The following HMCN2 variants were observed in gnomAD, a reference collection of about 807,000 sequenced individuals.
HMCN2 encodes hemicentin 2.
A neutral mutation model predicts 377.5 loss-of-function variants in HMCN2; 325 were observed. The ratio of observed to expected loss-of-function variants is 0.86; its 90% confidence interval spans 0.79 to 0.94. The LOEUF (loss-of-function observed/expected upper bound fraction) is 0.94, where lower values mean the gene tolerates loss of function less well. HMCN2 is among the 40% of genes least tolerant of loss of function. HMCN2 has a pLI of 0.00. For synonymous variants in HMCN2, 2,007 were observed against 2,046.8 expected (o/e 0.98, Z 0.53); for missense variants, 4,543 against 4,725.3 (o/e 0.96, Z 1.13).
chr9:130,394,373 G>A lies in HMCN2; in HGVS notation c.10502-12G>A, dbSNP rs961448096. ...GTGTCAATTGTGTGTTCCCCTCCATGGTGGCTTGCAGAGCCCCCTCACATT... is the reference window on the plus strand; with the variant it reads ...GTGTCAATTGTGTGTTCCCCTCCATAGTGGCTTGCAGAGCCCCCTCACATT... On this transcript the variant is annotated splice_polypyrimidine_tract_variant and intron_variant, in intron 68 of 97. Coordinates refer to ENST00000683500, the MANE Select transcript of HMCN2 (RefSeq NM_001291815.2). This position sits in a 1 kb window ranked among gnomAD's most constrained non-coding sequence, Gnocchi z 5.1. 1.5e-5 allele frequency: 19 copies of A among 1,286,912 alleles called. No homozygotes were observed. The highest frequency in any genetic ancestry group is 1.8e-5 in the Non-Finnish European group (18 of 986,650). 79.7% of individuals were successfully genotyped at this position (1,286,912 alleles called of 1,614,324 possible).
Position 130,303,960 on chromosome 9 carries a change from G to C in HMCN2, c.1543+352G>C, listed in dbSNP as rs922803595. 6.6e-6 allele frequency among the ~76,000 whole-genome samples: 1 copy of C among 152,220 alleles called. No homozygotes were observed. Among genetic ancestry groups the C allele is most frequent in the Non-Finnish European group, 1.5e-5 (1 of 68,048 alleles). ...AAGTCCCGGCCAGGATGGCGCCATC[G>C]AGCTGGGGAGGTTGGATACACCACA... On this transcript the variant is annotated intron_variant, in intron 10 of 97. Transcript: ENST00000683500. The surrounding 1 kb of genome is among the most constrained non-coding windows in gnomAD (Gnocchi z 5.2).
chr9:130,271,289 G>T (rs1834392315), intron 1 of HMCN2, among the ~76,000 whole-genome samples: 1 of 148,792 alleles, frequency 6.7e-6, no homozygotes, highest in Admixed American at 6.7e-5. Context: ...CTTACTGTGT[G>T]CAGCCCACGT....
intron 25 of HMCN2, among the ~76,000 whole-genome samples, chr9:130,346,028 C>T (rs987348493): frequency 2.6e-5 from 4 of 152,112 alleles, no homozygotes; most frequent in South Asian, 4.1e-4. Context: ...CTGCCAGGGG[C>T]GGCCCTTTCT....
At chr9:130,408,970 A>C in intron 84 of HMCN2, 37 bp downstream of exon 84, 1 of 1,251,386 alleles carries the variant, frequency 8.0e-7, no homozygotes, top group Non-Finnish European at 1.0e-6. Flanking sequence ...GGGGCCACTG[A>C]GGACAACTCT....
intron 60 of HMCN2, 54 bp downstream of exon 60, chr9:130,385,816 C>T: frequency 8.2e-7 from 1 of 1,226,202 alleles, no homozygotes; most frequent in African/African-American, 1.6e-5. Context: ...AAGTCGCCTC[C>T]CAGCCCTGGC....
At chr9:130,385,496 G>T (rs1841972893) in intron 59 of HMCN2, 64 bp from the exon 60 acceptor site, 2 of 1,189,766 alleles carry the variant, frequency 1.7e-6, no homozygotes, top group Non-Finnish European at 2.2e-6. Flanking sequence ...CATTTTCCCT[G>T]TGGCTGAGTG....
Position 130,286,299 on chromosome 9 carries a change from C to T in HMCN2, c.601C>T (p.Gln201Ter), listed in dbSNP as rs1379866721. Residue 201 changes from glutamine (Q) to a stop codon, truncating the protein, a stop_gained, in exon 4 of 98, where the codon CAA becomes TAA. Coordinates refer to ENST00000683500, the MANE Select transcript of HMCN2 (RefSeq NM_001291815.2). LOFTEE classifies it high-confidence loss of function. ...GCAGGTGTTCCACCTGGACAAGCAG[C>T]AAGTGACAGAGGTGAGCACTGGGAG... ...SGQVFHLDKQ[Q>*]VTEVLKWVES... The T allele has an allele frequency of 2.1e-6, 1 of 471,040 alleles. No homozygotes were observed. The highest frequency in any genetic ancestry group is 2.0e-5 in the African/African-American group (1 of 50,224). 29.2% of individuals were successfully genotyped at this position (471,040 alleles called of 1,614,324 possible).
At chr9:130,359,116 C>G (rs185917462) in intron 36 of HMCN2, among the ~76,000 whole-genome samples, 2 of 152,090 alleles carry the variant, frequency 1.3e-5, no homozygotes, top group African/African-American at 4.8e-5. Flanking sequence ...GTATGATTGC[C>G]GTAAGGATGG....
At chr9:130,353,871 G>C (rs1839871550) in intron 31 of HMCN2, among the ~76,000 whole-genome samples, 1 of 152,164 alleles carries the variant, frequency 6.6e-6, no homozygotes, top group South Asian at 2.1e-4. Flanking sequence ...AAGTGTGAGA[G>C]GGCAGCGTGC....
At position 130,357,909 on chromosome 9, in the gene HMCN2, T is replaced by C. The variant is rs1252885623; in HGVS notation, c.5501T>C (p.Ile1834Thr). The change falls in exon 35 of 98, where the codon ATA (isoleucine) becomes ACA (threonine). Residue 1834 changes from isoleucine to threonine, a missense_variant. Ile to Thr is a moderately conservative substitution (Grantham distance 89). Coordinates refer to ENST00000683500, the MANE Select transcript of HMCN2 (RefSeq NM_001291815.2). ...PFLQPVTLQCIGDGVPTPSLR... is the reference protein window; with the variant it reads ...PFLQPVTLQCTGDGVPTPSLR... The stretch of plus-strand genomic sequence containing the variant: ...CTGCAGCCTGTGACCCTCCAGTGCA[T>C]AGGGGATGGGGTGCCCACCCCAAGC... The C allele has an allele frequency of 5.0e-5, 65 of 1,304,008 alleles. No individual in the cohort carries two copies. Among genetic ancestry groups the C allele is most frequent in the Non-Finnish European group, 6.5e-5 (64 of 988,872 alleles). 80.8% of individuals were successfully genotyped at this position (1,304,008 alleles called of 1,614,324 possible).
At chr9:130,349,700 T>C in intron 29 of HMCN2, 37 bp downstream of exon 29, 1 of 1,291,660 alleles carries the variant, frequency 7.7e-7, no homozygotes, top group Non-Finnish European at 1.0e-6. Flanking sequence ...CGTGTGGTGG[T>C]GCCCAGACTC....
At chr9:130,295,495 C>T (rs541998767) in intron 5 of HMCN2, among the ~76,000 whole-genome samples, 171 bp from the exon 6 acceptor site, 1 of 152,024 alleles carries the variant, frequency 6.6e-6, no homozygotes, top group Non-Finnish European at 1.5e-5. Context: ...CTGGGGATCC[C>T]TGAGGGTGGA....
intron 1 of HMCN2, among the ~76,000 whole-genome samples, chr9:130,266,990 G>A (rs1024764343): frequency 2.0e-4 from 31 of 151,818 alleles, no homozygotes; most frequent in African/African-American, 6.3e-4. Flanking sequence ...CTGTCACCCA[G>A]GCTGGAGTGC....
Position 130,349,556 on chromosome 9 carries a change from A to G in HMCN2, c.4323A>G (p.Gly1441=), listed in dbSNP as rs1175257578. 1 of 1,303,084 alleles carries G rather than the reference A, an allele frequency of 7.7e-7. No homozygotes were observed. The highest frequency in any genetic ancestry group is 1.5e-5 in the African/African-American group (1 of 65,916). 80.7% of individuals were successfully genotyped at this position (1,303,084 alleles called of 1,614,324 possible). Residue 1441 remains glycine (G), a synonymous_variant, in exon 29 of 98, where the codon GGA becomes GGG. Coordinates refer to ENST00000683500, the MANE Select transcript of HMCN2 (RefSeq NM_001291815.2). The part of the protein sequence containing the change: ...LLVLTPPSVL[G]AGAAQEVLGL... ...CCCCAGCCCCTCCTTCCGTGCTTGG[A>G]GCCGGGGCCGCTCAGGAGGTGCTAG...
chr9:130,389,775 A>C (rs1336485723), intron 62 of HMCN2, among the ~76,000 whole-genome samples: 1 of 152,070 alleles, frequency 6.6e-6, no homozygotes, highest in Non-Finnish European at 1.5e-5. Flanking sequence ...GGGTTCCACC[A>C]TGTTGGTCAG....
intron 7 of HMCN2, among the ~76,000 whole-genome samples, chr9:130,297,399 G>A (rs1428490953): frequency 6.6e-6 from 1 of 152,220 alleles, no homozygotes; most frequent in Non-Finnish European, 1.5e-5. Flanking sequence ...TGGTTCTGCT[G>A]GGAGAAGCCT....
intron 24 of HMCN2, among the ~76,000 whole-genome samples, chr9:130,341,830 G>A (rs1036523830): frequency 3.3e-5 from 5 of 151,938 alleles, no homozygotes; most frequent in African/African-American, 9.7e-5. Context: ...AGCACCTGGC[G>A]CATAGAAAGT....
chr9:130,430,640 C>A (rs1283001799), intron 95 of HMCN2, 36 bp downstream of exon 95: 1 of 1,509,194 alleles, frequency 6.6e-7, no homozygotes, highest in South Asian at 1.3e-5. Flanking sequence ...GGGACACTGC[C>A]GTTATGGGCT....
chr9:130,268,848 C>T (rs563259187), intron 1 of HMCN2, among the ~76,000 whole-genome samples: 6 of 148,676 alleles, frequency 4.0e-5, no homozygotes, highest in South Asian at 4.3e-4. Context: ...TGGACACAGC[C>T]GTGAGTGCAG....
Sources: allele counts gnomAD v4.1 joint callset (sites outside exome capture counted in the v4.1 genomes callset), GRCh38; gene constraint gnomAD v4.1.1; non-coding constraint Gnocchi (gnomAD v3.1); transcripts MANE v1.5; gene names NCBI Gene and HGNC (gene_info 2026-07-23, HGNC 2026-07-21).